PCDHA3: variants seen among roughly 807,000 people sequenced by gnomAD.
PCDHA3 encodes the protein protocadherin alpha 3.
PCDHA3 carries 41 observed loss-of-function variants against 62.2 expected under a neutral mutation model. The ratio of observed to expected loss-of-function variants is 0.66; its 90% confidence interval spans 0.51 to 0.86. The LOEUF (loss-of-function observed/expected upper bound fraction) is 0.86. Ranked by LOEUF, PCDHA3 falls within the 40% of genes least tolerant of loss-of-function variation. The probability of loss-of-function intolerance (pLI) is 0.00; values close to 1 mark genes in which losing one functional copy is unlikely to be tolerated. For synonymous variants in PCDHA3, 640 were observed against 555.4 expected, an observed-to-expected ratio of 1.15 and a Z score of -2.14; for missense variants, 1,304 against 1,241.2, an observed-to-expected ratio of 1.05 and a Z score of -0.76.
At chr5:140,830,066 C>G (rs1770795719) in intron 1 of PCDHA3, 1 of 1,613,706 alleles carries the variant, frequency 6.2e-7, no homozygotes, top group Non-Finnish European at 8.5e-7. Flanking sequence ...TGAGCCGGCG[C>G]TGACAGCGAC....
At chr5:140,982,230 C>G (rs943404054) in intron 2 of PCDHA3, 9 of 619,854 alleles carry the variant, frequency 1.5e-5, no homozygotes, top group Admixed American at 3.8e-5. Flanking sequence ...TAATAAAAAA[C>G]AGAATTGCCA....
rs2150240136 is a variant in PCDHA3, at chr5:140,835,634, T to G, written c.2394+32043T>G. 6.8e-6 allele frequency: 11 copies of G among 1,613,690 alleles called. No homozygotes were observed. The highest frequency in any genetic ancestry group is 1.1e-5 in the South Asian group (1 of 91,070). On this transcript the variant is annotated intron_variant, in intron 1 of 3. Transcript: ENST00000522353. The stretch of plus-strand genomic sequence containing the variant: ...TGGACAGCGCTCTGGACCGCGAGAG[T>G]GTGTCCGCCTATGAGCTGGTGGTTA...
intron 1 of PCDHA3, among the ~76,000 whole-genome samples, chr5:140,925,899 G>A (rs149135478): frequency 2.0e-5 from 3 of 151,846 alleles, no homozygotes; most frequent in African/African-American, 7.3e-5. Context: ...CACCCAGATC[G>A]TCAAGGGCCG....
At chr5:140,898,133 G>T (rs2153459320) in intron 1 of PCDHA3, among the ~76,000 whole-genome samples, 1 of 152,202 alleles carries the variant, frequency 6.6e-6, no homozygotes, top group African/African-American at 2.4e-5. Flanking sequence ...CTCCCATTTT[G>T]TAGGTTGCCT....
chr5:140,969,058 T>C, intron 1 of PCDHA3: 1 of 1,614,166 alleles, frequency 6.2e-7, no homozygotes. Flanking sequence ...ACAACAATAT[T>C]GATGCCAGGA....
chr5:140,869,082 T>C (rs1554162459), intron 1 of PCDHA3: 1 of 1,582,446 alleles, frequency 6.3e-7, no homozygotes, highest in East Asian at 2.2e-5. Flanking sequence ...GAAGCTTATT[T>C]TGGAAGCCAA....
In PCDHA3 at chr5:141,009,951, A is replaced by G. The variant is rs2303646; in HGVS notation, c.*14A>G. On this transcript the variant is annotated 3_prime_UTR_variant, in exon 4 of 4. Coordinates refer to ENST00000522353, the MANE Select transcript of PCDHA3 (RefSeq NM_018906.3). ...AGTGACCAGTGAGGTCCTCAAATGGAAACAAGCCACTTAGCCAGTTTTTGT... is the reference window on the plus strand; with the variant it reads ...AGTGACCAGTGAGGTCCTCAAATGGGAACAAGCCACTTAGCCAGTTTTTGT... 5,767 of 1,593,458 alleles carry G rather than the reference A, an allele frequency of 3.6e-3. 231 individuals are homozygous for G. In the East Asian group the frequency reaches 0.095, roughly 26 times the overall value.
chr5:140,987,155 A>G (rs2097233368), intron 3 of PCDHA3, among the ~76,000 whole-genome samples: 1 of 151,902 alleles, frequency 6.6e-6, no homozygotes, highest in South Asian at 2.1e-4. Context: ...TGGAGGTTGC[A>G]GTGAGCTGAG....
rs2150156470 is a variant in PCDHA3 at position 140,828,534 on chromosome 5, C to T, written c.2394+24943C>T. 6.2e-6 allele frequency: 10 copies of T among 1,614,104 alleles called. No homozygotes were observed. The Admixed American group carries it at 1.7e-4, about 27-fold the overall frequency. On this transcript the variant is annotated intron_variant, in intron 1 of 3. Transcript: ENST00000522353. ...GTGCTGATTTACGAATCTAGGCTGCCAGATTCTGTGTTTCCACTGGAGGGC... is the reference window on the plus strand; with the variant it reads ...GTGCTGATTTACGAATCTAGGCTGCTAGATTCTGTGTTTCCACTGGAGGGC...
intron 3 of PCDHA3, among the ~76,000 whole-genome samples, chr5:141,000,775 C>G (rs919489031): frequency 5.3e-5 from 8 of 151,752 alleles, no homozygotes; most frequent in African/African-American, 1.9e-4. Context: ...GGCATAGTGG[C>G]GCACACCTGT....
chr5:140,921,213 G>T (rs759293646), intron 1 of PCDHA3, among the ~76,000 whole-genome samples: 1 of 151,496 alleles, frequency 6.6e-6, no homozygotes, highest in Admixed American at 6.6e-5. Flanking sequence ...GATAATTCAC[G>T]TCTTTTTTGC....
chr5:140,999,797 T>C (rs2097876830), intron 3 of PCDHA3, among the ~76,000 whole-genome samples: 1 of 152,202 alleles, frequency 6.6e-6, no homozygotes, highest in African/African-American at 2.4e-5. Context: ...CAGAGTTATT[T>C]TGGGCACAAA....
intron 1 of PCDHA3, chr5:140,807,718 C>A: frequency 6.2e-7 from 1 of 1,614,230 alleles, no homozygotes; most frequent in Non-Finnish European, 8.5e-7. Context: ...CAAATGAATA[C>A]TTTTCTCTGG....
At position 140,883,880 on chromosome 5, in the gene PCDHA3, C is replaced by T. The variant is rs782301944; in HGVS notation, c.2394+80289C>T. The stretch of plus-strand genomic sequence containing the variant: ...GCTGTTGCAGTTCCAGGTGAGCGCG[C>T]GCGACTCTGGCGTGCCGCCTCTGGG... On this transcript the variant is annotated intron_variant, in intron 1 of 3. Transcript: ENST00000522353. 20 of 1,613,304 alleles carry T rather than the reference C, an allele frequency of 1.2e-5. No homozygotes were observed. The Middle Eastern group carries it at 6.9e-4, about 56-fold the overall frequency.
chr5:140,913,100 A>G (rs2076204390), intron 1 of PCDHA3, among the ~76,000 whole-genome samples: 1 of 152,186 alleles, frequency 6.6e-6, no homozygotes, highest in Non-Finnish European at 1.5e-5. Flanking sequence ...TACTGGCCTC[A>G]TAGAATCAGT....
chr5:140,967,100 G>A, intron 1 of PCDHA3: 1 of 1,613,092 alleles, frequency 6.2e-7, no homozygotes, highest in Non-Finnish European at 8.5e-7. Context: ...GGCGCTGTGT[G>A]AGCAGCGGCC....
At chr5:140,845,671 T>C (rs1293125751) in intron 1 of PCDHA3, among the ~76,000 whole-genome samples, 5 of 149,692 alleles carry the variant, frequency 3.3e-5, no homozygotes, top group Non-Finnish European at 4.5e-5. Flanking sequence ...GTGTAGCCAT[T>C]GGTAAAGGAT....
At chr5:140,863,810 C>T (rs1554158466) in intron 1 of PCDHA3, 8 of 203,770 alleles carry the variant, frequency 3.9e-5, no homozygotes, top group South Asian at 2.6e-4. Context: ...ACCAGCCTGG[C>T]CAACATGGTG....
chr5:140,918,425 T>A (rs1402096329), intron 1 of PCDHA3, among the ~76,000 whole-genome samples: 1 of 152,200 alleles, frequency 6.6e-6, no homozygotes, highest in Non-Finnish European at 1.5e-5. Flanking sequence ...TCCAGTAGGA[T>A]GTTGAATAGG....
Sources: allele counts gnomAD v4.1 joint callset (sites outside exome capture counted in the v4.1 genomes callset), GRCh38; gene constraint gnomAD v4.1.1; transcripts MANE v1.5; gene names NCBI Gene and HGNC (gene_info 2026-07-23, HGNC 2026-07-21).